The following FHIP1A variants were observed in gnomAD, a reference collection of about 807,000 sequenced individuals.
FHIP1A encodes the protein FHF complex subunit HOOK-interacting protein 1A.
FHIP1A carries 61 observed loss-of-function variants against 88.6 expected under a neutral mutation model. That is an observed-to-expected ratio of 0.69 (90% CI 0.56 to 0.85). The LOEUF (loss-of-function observed/expected upper bound fraction) is 0.85. Ranked by LOEUF, FHIP1A falls within the 40% of genes least tolerant of loss-of-function variation. The pLI is 0.00. For synonymous variants in FHIP1A, 478 were observed against 496.0 expected (o/e 0.96, Z 0.48); for missense variants, 1,154 against 1,273.5 (o/e 0.91, Z 1.43).
intron 2 of FHIP1A, among the ~76,000 whole-genome samples, chr4:151,471,169 A>G (rs150418940): frequency 6.6e-6 from 1 of 151,998 alleles, no homozygotes; most frequent in Non-Finnish European, 1.5e-5. Flanking sequence ...TGGTCTTTAC[A>G]TTTCTTGGAA....
At chr4:151,528,383 G>A (rs967156734) in intron 3 of FHIP1A, among the ~76,000 whole-genome samples, 5 of 152,062 alleles carry the variant, frequency 3.3e-5, no homozygotes, top group African/African-American at 1.2e-4. Flanking sequence ...GTACATCATG[G>A]GTATCTGCTG....
chr4:151,440,228 T>C (rs1348985171), intron 1 of FHIP1A, among the ~76,000 whole-genome samples: 2 of 152,142 alleles, frequency 1.3e-5, no homozygotes, highest in East Asian at 3.9e-4. Context: ...TTCTGTTACC[T>C]CCCACTGGGT....
chr4:151,477,246 A>G (rs955686999), intron 2 of FHIP1A, among the ~76,000 whole-genome samples: 3 of 152,218 alleles, frequency 2.0e-5, no homozygotes, highest in Non-Finnish European at 2.9e-5. Flanking sequence ...TTAGCATACA[A>G]TAAAGGTGGT....
At chr4:151,519,439 C>G (rs1731376063) in intron 3 of FHIP1A, among the ~76,000 whole-genome samples, 1 of 151,814 alleles carries the variant, frequency 6.6e-6, no homozygotes, top group African/African-American at 2.4e-5. Context: ...TTGCTGAGTA[C>G]TATTTCATTG....
chr4:151,412,412 A>G (rs1732686289), intron 1 of FHIP1A, among the ~76,000 whole-genome samples: 1 of 151,926 alleles, frequency 6.6e-6, no homozygotes, highest in Non-Finnish European at 1.5e-5. Flanking sequence ...GGCCAATAAT[A>G]AGGGACTTTT....
chr4:151,471,891 A>C (rs1729526246), intron 2 of FHIP1A, among the ~76,000 whole-genome samples: 1 of 152,142 alleles, frequency 6.6e-6, no homozygotes, highest in Non-Finnish European at 1.5e-5. Flanking sequence ...TTCCTGGGTT[A>C]CTTAACTTAG....
chr4:151,414,343 G>A (rs1033045340), intron 1 of FHIP1A, among the ~76,000 whole-genome samples: 2 of 152,198 alleles, frequency 1.3e-5, no homozygotes, highest in East Asian at 1.9e-4. Flanking sequence ...TTGAGCCACC[G>A]CGTCTGGCCT....
intron 3 of FHIP1A, among the ~76,000 whole-genome samples, chr4:151,485,282 G>GTTTTTTTTTTTTTTATTTTTTTTT (rs1730038624): frequency 8.4e-6 from 1 of 118,730 alleles, no homozygotes; most frequent in African/African-American, 3.4e-5. Context: ...ATCTTTTCCA[G>GTTTTTTTTTTTTTTATTTTTTTTT]TTTTTTTTTT....
At chr4:151,659,723 G>T (rs556702825) in intron 13 of FHIP1A, among the ~76,000 whole-genome samples, 2 of 152,178 alleles carry the variant, frequency 1.3e-5, no homozygotes, top group African/African-American at 4.8e-5. Flanking sequence ...TAACTCAGGC[G>T]TCTGTAGCCA....
chr4:151,440,507 T>C (rs1728364232), intron 1 of FHIP1A, among the ~76,000 whole-genome samples: 1 of 152,176 alleles, frequency 6.6e-6, no homozygotes, highest in Admixed American at 6.5e-5. Flanking sequence ...TGATTTTTCT[T>C]ATCTCCACCA....
At position 151,646,418 on chromosome 4, in the gene FHIP1A, G is replaced by T. The variant is rs576683535; in HGVS notation, c.1227-140G>T. The T allele has an allele frequency of 9.0e-5, 53 of 586,876 alleles. No homozygotes were observed. The African/African-American group carries it at 9.4e-4, about 10-fold the overall frequency. The allele number at this position is 586,876 out of a possible 1,614,324, so 36.4% of individuals were successfully genotyped here. A position where few individuals can be genotyped will look rare whatever the true frequency, so the allele number is the denominator to read the frequency against. On this transcript the variant is annotated intron_variant, in intron 9 of 13. Coordinates refer to ENST00000435205, the MANE Select transcript of FHIP1A (RefSeq NM_001109977.3). The stretch of plus-strand genomic sequence containing the variant: ...TTAAGCTAAGGAGTGAACCCTGGTG[G>T]CTGGTGAGATGATCAATTGAGAGCT...
At chr4:151,446,627 T>C (rs1331500313) in intron 1 of FHIP1A, among the ~76,000 whole-genome samples, 1 of 150,014 alleles carries the variant, frequency 6.7e-6, no homozygotes, top group East Asian at 1.9e-4. Context: ...TTGACAAAAT[T>C]GGGAAGTTTC....
At chr4:151,477,391 A>T (rs930079366) in intron 2 of FHIP1A, among the ~76,000 whole-genome samples, 1 of 152,184 alleles carries the variant, frequency 6.6e-6, no homozygotes, top group Non-Finnish European at 1.5e-5. Flanking sequence ...AAACAAATTT[A>T]AAATATAAAC....
Position 151,650,471 on chromosome 4 carries a change from CTT to C in FHIP1A, c.2432_2433del (p.Phe811Ter). ...KKELEDEEDDFDSFIAEMPAV... is the reference protein window; with the variant it reads ...KKELEDEEDDXDSFIAEMPAV... ...AGGAGCTAGAAGATGAGGAGGATGA[CTT>C]TGACTCTTTTATAGCGGAGATGCCT... On this transcript the variant is annotated frameshift_variant, in exon 11 of 14. Transcript: ENST00000435205. LOFTEE classifies it high-confidence loss of function. 1 of 1,551,626 alleles carries C rather than the reference CTT, an allele frequency of 6.4e-7. No homozygotes were observed. The highest frequency in any genetic ancestry group is 1.2e-5 in the South Asian group (1 of 84,070).
chr4:151,486,272 A>G (rs1730078938), intron 3 of FHIP1A, among the ~76,000 whole-genome samples: 2 of 152,218 alleles, frequency 1.3e-5, no homozygotes, highest in South Asian at 2.1e-4. Flanking sequence ...TGATTCTGAT[A>G]TGTGCTATTG....
intron 2 of FHIP1A, among the ~76,000 whole-genome samples, chr4:151,467,516 C>A (rs1437869137): frequency 6.6e-6 from 1 of 152,186 alleles, no homozygotes; most frequent in African/African-American, 2.4e-5. Context: ...TGTAAAGATA[C>A]ATGCACACAT....
At chr4:151,628,527 A>C (rs1736037158) in intron 7 of FHIP1A, among the ~76,000 whole-genome samples, 2 of 152,232 alleles carry the variant, frequency 1.3e-5, no homozygotes, top group Admixed American at 1.3e-4. Context: ...GAGGAATGGA[A>C]TATAAAAGGA....
intron 3 of FHIP1A, among the ~76,000 whole-genome samples, chr4:151,527,130 G>A (rs1203681348): frequency 6.6e-6 from 1 of 152,208 alleles, no homozygotes; most frequent in African/African-American, 2.4e-5. Context: ...GTGGCGGCCG[G>A]GCAGAGGCTG....
At chr4:151,532,413 G>C (rs952604170) in intron 3 of FHIP1A, among the ~76,000 whole-genome samples, 1 of 152,136 alleles carries the variant, frequency 6.6e-6, no homozygotes, top group Admixed American at 6.5e-5. Flanking sequence ...AGTTTTCATG[G>C]ACAAGGTACT....
Sources: gnomAD v4.1 joint callset for allele counts (sites outside exome capture counted in the v4.1 genomes callset) on GRCh38, gnomAD v4.1.1 for gene constraint, MANE v1.5 for transcripts, NCBI Gene and HGNC (gene_info 2026-07-23, HGNC 2026-07-21) for gene names.